The following MAN1B1 variants were observed in gnomAD, a reference collection of about 807,000 sequenced individuals.
MAN1B1 encodes endoplasmic reticulum mannosyl-oligosaccharide 1,2-alpha-mannosidase.
A neutral mutation model predicts 75.5 loss-of-function variants in MAN1B1; 66 were observed. The observed-to-expected ratio is 0.87, with a 90% CI of 0.72 to 1.07. The LOEUF is 1.07. Among genes scored for constraint, MAN1B1 ranks in the 50% least tolerant of loss-of-function variants. The probability of loss-of-function intolerance (pLI) is 0.00; values close to 1 mark genes in which losing one functional copy is unlikely to be tolerated. For synonymous variants in MAN1B1, 453 were observed against 382.8 expected (o/e 1.18, Z -2.14); for missense variants, 973 against 912.5 (o/e 1.07, Z -0.85).
At chr9:137,091,822 G>A (rs758151010) in intron 3 of MAN1B1, among the ~76,000 whole-genome samples, 13 of 151,456 alleles carry the variant, frequency 8.6e-5, no homozygotes, top group African/African-American at 1.2e-4. Context: ...CACCACGCCC[G>A]GCCTTAAAAT....
At chr9:137,096,530 C>CTAA in intron 4 of MAN1B1, 139 bp downstream of exon 4, 5 of 1,217,776 alleles carry the variant, frequency 4.1e-6, no homozygotes, top group Non-Finnish European at 5.9e-6. Flanking sequence ...TCCTCATTAA[C>CTAA]CTTAGATTAC....
At chr9:137,097,666 C>G (rs965097603) in intron 4 of MAN1B1, among the ~76,000 whole-genome samples, 162 bp from the exon 5 acceptor site, 11 of 152,224 alleles carry the variant, frequency 7.2e-5, no homozygotes, top group Non-Finnish European at 2.9e-5. Context: ...GAGCTCAGGA[C>G]TGAACTGTGT....
rs372332688 is a variant in MAN1B1 at position 137,088,972 on chromosome 9, C to T, written c.432C>T (p.Thr144=). 53 of 1,613,970 alleles carry T rather than the reference C, an allele frequency of 3.3e-5. No homozygotes were observed. Among genetic ancestry groups the T allele is most frequent in the Non-Finnish European group, 4.2e-5 (49 of 1,180,018 alleles). The part of the protein sequence containing the change: ...PVLPAPQKAD[T]DPENLPEISS... ...TACCAGCTCCTCAGAAGGCGGACAC[C>T]GACCCTGAGAACTTACCTGAGATTT... Residue 144 remains threonine (T), a synonymous_variant, in exon 3 of 13, where the codon ACC becomes ACT. Transcript: ENST00000371589.
intron 8 of MAN1B1, chr9:137,104,149 C>G (rs1432407834): frequency 2.3e-6 from 1 of 441,498 alleles, no homozygotes; most frequent in Non-Finnish European, 4.6e-6. Context: ...CCTCCCCAGT[C>G]CCTGAAAAAC....
chr9:137,088,409 A>C (rs1313791405), intron 2 of MAN1B1: 2 of 1,574,092 alleles, frequency 1.3e-6, no homozygotes, highest in African/African-American at 2.7e-5. Flanking sequence ...GTAAGTACTG[A>C]TATGTCCAGC....
intron 8 of MAN1B1, chr9:137,103,197 T>C (rs1830945114): frequency 1.4e-5 from 6 of 435,188 alleles, no homozygotes; most frequent in Non-Finnish European, 2.3e-5. Context: ...TTCACACTGT[T>C]GCAGGCGTGC....
At chr9:137,094,837 G>A (rs1482229053) in intron 3 of MAN1B1, among the ~76,000 whole-genome samples, 2 of 144,338 alleles carry the variant, frequency 1.4e-5, no homozygotes, top group South Asian at 2.3e-4. Context: ...CCAAGATCAC[G>A]CCACTGCACT....
At chr9:137,108,134 A>G in intron 12 of MAN1B1, 1 of 610,840 alleles carries the variant, frequency 1.6e-6, no homozygotes, top group South Asian at 2.0e-5. Flanking sequence ...CTGTGCGGCA[A>G]CTGTGAGGCC....
chr9:137,089,928 C>A (rs1830476139), intron 3 of MAN1B1, among the ~76,000 whole-genome samples: 1 of 151,990 alleles, frequency 6.6e-6, no homozygotes, highest in African/African-American at 2.4e-5. Flanking sequence ...GCAGGTGGTG[C>A]CAGGATCAGA....
chr9:137,087,273 C>G (rs560664450), intron 1 of MAN1B1, 55 bp downstream of exon 1: 1,522 of 1,532,914 alleles, frequency 9.9e-4, no homozygotes, highest in Non-Finnish European at 1.3e-3. Flanking sequence ...CGCCGCCCTC[C>G]CAGACTGCGG....
In MAN1B1 at chr9:137,108,727, G is replaced by GTCTCTGCTTTAATC. The variant is rs1564315609; in HGVS notation, c.*137_*150dup. Reference sequence around the variant, plus strand: ...CTGAACTGGCTCTGGGCTCCTCCTCGTCTCTGCTTTAATCAGGACACCGTG... The same window carrying GTCTCTGCTTTAATC: ...CTGAACTGGCTCTGGGCTCCTCCTCGTCTCTGCTTTAATCTCTCTGCTTTAATCAGGACACCGTG... On this transcript the variant is annotated 3_prime_UTR_variant, in exon 13 of 13. Transcript: ENST00000371589. 2 of 816,048 alleles carry GTCTCTGCTTTAATC rather than the reference G, an allele frequency of 2.5e-6. No homozygotes were observed. The highest frequency in any genetic ancestry group is 3.8e-5 in the Admixed American group (2 of 52,392). 50.6% of individuals were successfully genotyped at this position (816,048 alleles called of 1,614,324 possible).
chr9:137,107,397 G>A lies in MAN1B1; in HGVS notation c.1714G>A (p.Val572Met), dbSNP rs755971618. ...QMETGLSPEIVHFNLYPQPGR... is the reference protein window; with the variant it reads ...QMETGLSPEIMHFNLYPQPGR... Reference sequence around the variant, plus strand: ...GGAGACGGGGCTGAGTCCCGAGATCGTGCACTTCAACCTTTACCCCCAGCC... The same window carrying A: ...GGAGACGGGGCTGAGTCCCGAGATCATGCACTTCAACCTTTACCCCCAGCC... Residue 572 changes from valine to methionine, a missense_variant, in exon 11 of 13, where the codon GTG becomes ATG. Physicochemically the swap from Val to Met is conservative, Grantham distance 21. Coordinates refer to ENST00000371589, the MANE Select transcript of MAN1B1 (RefSeq NM_016219.5). The A allele has an allele frequency of 2.0e-5, 32 of 1,613,334 alleles. No individual in the cohort carries two copies. The highest frequency in any genetic ancestry group is 1.1e-4 in the African/African-American group (8 of 74,940).
intron 12 of MAN1B1, chr9:137,107,957 GT>G (rs1831179232): frequency 4.7e-6 from 3 of 632,524 alleles, no homozygotes; most frequent in South Asian, 1.9e-5. Context: ...CATCCCCCCA[GT>G]TTAGGAGGCA....
intron 3 of MAN1B1, among the ~76,000 whole-genome samples, chr9:137,090,482 G>A (rs1398572205): frequency 6.6e-6 from 1 of 152,140 alleles, no homozygotes; most frequent in East Asian, 1.9e-4. Context: ...AGCAAGAGGG[G>A]CATTGGGGCA....
chr9:137,104,074 C>A, intron 8 of MAN1B1: 1 of 456,662 alleles, frequency 2.2e-6, no homozygotes, highest in Non-Finnish European at 4.4e-6. Flanking sequence ...GCTATCACTT[C>A]CATCTCCAGA....
At chr9:137,099,603 T>TG in intron 5 of MAN1B1, 93 bp from the exon 6 acceptor site, 1 of 1,379,110 alleles carries the variant, frequency 7.3e-7, no homozygotes, top group South Asian at 1.2e-5. Flanking sequence ...CTTTGCCCCA[T>TG]GGGGGTCACA....
chr9:137,099,294 C>A (rs1830742120), intron 5 of MAN1B1, among the ~76,000 whole-genome samples: 1 of 152,282 alleles, frequency 6.6e-6, no homozygotes, highest in East Asian at 1.9e-4. Context: ...TGGCACCACA[C>A]TCACCCACGT....
At position 137,097,826 on chromosome 9, in the gene MAN1B1, A is replaced by G. The variant is rs937318545; in HGVS notation, c.621-2A>G. ...GCTGACACCCTTCCTTCTCCCCCGA[A>G]GCTGGAGGGGAGCGGTGATCGAGCC... On this transcript the variant is annotated splice_acceptor_variant, in intron 4 of 12. Coordinates refer to ENST00000371589, the MANE Select transcript of MAN1B1 (RefSeq NM_016219.5). LOFTEE classifies it high-confidence loss of function. The G allele has an allele frequency of 6.4e-7, 1 of 1,551,764 alleles. No individual in the cohort carries two copies. The highest frequency in any genetic ancestry group is 8.7e-7 in the Non-Finnish European group (1 of 1,147,138).
chr9:137,102,162 C>T (rs1000095002), intron 8 of MAN1B1: 28 of 445,444 alleles, frequency 6.3e-5, no homozygotes, highest in Admixed American at 3.7e-4. Context: ...CTGTTACACA[C>T]ATTCCTGCTG....
Sources: gnomAD v4.1 joint callset for allele counts (sites outside exome capture counted in the v4.1 genomes callset) on GRCh38, gnomAD v4.1.1 for gene constraint, MANE v1.5 for transcripts, NCBI Gene and HGNC (gene_info 2026-07-23, HGNC 2026-07-21) for gene names.